RBFOX1: variants seen among roughly 807,000 people sequenced by gnomAD.
RBFOX1 encodes the protein RNA binding protein fox-1 homolog 1.
In RBFOX1, 8 loss-of-function variants were observed where a neutral mutation model predicts 57.7. That is an observed-to-expected ratio of 0.14 (90% CI 0.08 to 0.25). The LOEUF (loss-of-function observed/expected upper bound fraction) is 0.25, where lower values mean the gene tolerates loss of function less well. Ranked by LOEUF, RBFOX1 falls within the 10% of genes least tolerant of loss-of-function variation. The pLI, the probability that RBFOX1 is intolerant of heterozygous loss-of-function variation, is 1.00. For synonymous variants in RBFOX1, 326 were observed against 222.4 expected (o/e 1.47, Z -4.15); for missense variants, 611 against 548.5 (o/e 1.11, Z -1.14).
intron 1 of RBFOX1, among the ~76,000 whole-genome samples, chr16:6,232,919 G>A (rs1402311334): frequency 1.3e-5 from 2 of 152,108 alleles, no homozygotes; most frequent in South Asian, 2.1e-4. Flanking sequence ...TGTGGACAGC[G>A]TCAGTGCCAG....
chr16:5,603,483 T>C (rs1401682191), downstream of RBFOX1, among the ~76,000 whole-genome samples: 3 of 152,172 alleles, frequency 2.0e-5, no homozygotes, highest in Non-Finnish European at 4.4e-5. Flanking sequence ...TTTTTGGTGA[T>C]GCAGGGAGCA....
At chr16:6,296,621 C>T (rs577612085) in intron 1 of RBFOX1, among the ~76,000 whole-genome samples, 45 of 152,178 alleles carry the variant, frequency 3.0e-4, no homozygotes, top group East Asian at 5.8e-4. Flanking sequence ...GCGGTTTCAC[C>T]GTGTTAGCTG....
At chr16:6,443,436 T>C (rs943224642) in intron 2 of RBFOX1, among the ~76,000 whole-genome samples, 1 of 152,194 alleles carries the variant, frequency 6.6e-6, no homozygotes, top group Non-Finnish European at 1.5e-5. Flanking sequence ...TAGGAGGTTT[T>C]GCATTGTTTT....
chr16:6,222,823 G>A (rs1167441403), intron 1 of RBFOX1, among the ~76,000 whole-genome samples: 1 of 151,548 alleles, frequency 6.6e-6, no homozygotes, highest in African/African-American at 2.4e-5. Flanking sequence ...TTAGCGTTAG[G>A]TATATCTCCT....
intron 4 of RBFOX1, among the ~76,000 whole-genome samples, chr16:5,935,381 A>G (rs1168816993): frequency 9.2e-5 from 14 of 152,142 alleles, no homozygotes; most frequent in Admixed American, 9.2e-4. Context: ...CATGGCCAGG[A>G]GCCTGTATTG....
chr16:5,738,203 C>T (rs1004877272), intron 3 of RBFOX1, among the ~76,000 whole-genome samples: 9 of 152,058 alleles, frequency 5.9e-5, no homozygotes, highest in Non-Finnish European at 8.8e-5. Flanking sequence ...CATGAAAGTA[C>T]GTATGAAACT....
At chr16:5,384,060 C>T (rs1375116196) in intron 1 of RBFOX1, among the ~76,000 whole-genome samples, 1 of 152,190 alleles carries the variant, frequency 6.6e-6, no homozygotes, top group African/African-American at 2.4e-5. Context: ...AGCTCTAAGT[C>T]CTGCAGAAAT....
chr16:6,940,938 A>C, intron 3 of RBFOX1, among the ~76,000 whole-genome samples: 1 of 150,818 alleles, frequency 6.6e-6, no homozygotes. Flanking sequence ...CGATCTCCTG[A>C]CCTCGTGATC....
chr16:7,685,839 C>A (rs920386577), intron 14 of RBFOX1, among the ~76,000 whole-genome samples: 3 of 152,060 alleles, frequency 2.0e-5, no homozygotes, highest in Admixed American at 1.3e-4. Flanking sequence ...GAAATCAGAT[C>A]TTTTATTCTC....
At chr16:6,796,778 A>C (rs1057491732) in intron 3 of RBFOX1, among the ~76,000 whole-genome samples, 1 of 152,172 alleles carries the variant, frequency 6.6e-6, no homozygotes, top group Admixed American at 6.5e-5. Context: ...TCTGCCTTCC[A>C]ACTTCTTCTA....
intron 2 of RBFOX1, among the ~76,000 whole-genome samples, chr16:6,322,214 T>C (rs1406978324): frequency 6.6e-6 from 1 of 152,214 alleles, no homozygotes; most frequent in African/African-American, 2.4e-5. Flanking sequence ...TCTTCATACC[T>C]AAAGCCACCT....
rs543790765 is a variant in RBFOX1, at chr16:7,710,476, G to C, written c.1072-147G>C. The C allele has an allele frequency of 4.0e-6, 6 of 1,515,514 alleles. No homozygotes were observed. The African/African-American group carries it at 4.3e-5, about 11-fold the overall frequency. 93.9% of individuals were successfully genotyped at this position (1,515,514 alleles called of 1,614,324 possible). Reference sequence around the variant, plus strand: ...AAGGTCAGGAATGGCCCTATCTTTAGTTCTCCAAGAATGACCTGGGATGGG... The same window carrying C: ...AAGGTCAGGAATGGCCCTATCTTTACTTCTCCAAGAATGACCTGGGATGGG... On this transcript the variant is annotated intron_variant, in intron 15 of 15. Transcript: ENST00000550418.
chr16:6,514,000 A>G (rs910443392), intron 2 of RBFOX1, among the ~76,000 whole-genome samples: 1 of 152,186 alleles, frequency 6.6e-6, no homozygotes, highest in African/African-American at 2.4e-5. Context: ...TGTGCTTTGC[A>G]AATGGCGCAT....
intron 3 of RBFOX1, among the ~76,000 whole-genome samples, chr16:6,963,962 T>C (rs902413238): frequency 6.6e-6 from 1 of 152,080 alleles, no homozygotes; most frequent in East Asian, 1.9e-4. Flanking sequence ...CCTCCCAAAG[T>C]GCTGGGATTA....
intron 1 of RBFOX1, among the ~76,000 whole-genome samples, chr16:5,240,920 GC>G (rs1261258100): frequency 1.3e-5 from 2 of 152,212 alleles, no homozygotes; most frequent in African/African-American, 4.8e-5. Flanking sequence ...GCAGATGAGG[GC>G]CCCCTGGAGA....
intron 4 of RBFOX1, among the ~76,000 whole-genome samples, chr16:7,292,256 A>G (rs1257500032): frequency 4.5e-5 from 5 of 110,512 alleles, no homozygotes; most frequent in Non-Finnish European, 8.4e-5. Context: ...TATATATGAT[A>G]TATGATATAG....
chr16:6,491,042 C>T (rs1475716144), intron 2 of RBFOX1, among the ~76,000 whole-genome samples: 1 of 151,786 alleles, frequency 6.6e-6, no homozygotes, highest in South Asian at 2.1e-4. Flanking sequence ...CCAAGACTAC[C>T]CAGTAAAGTT....
At chr16:7,198,516 T>C (rs987319375) in intron 4 of RBFOX1, among the ~76,000 whole-genome samples, 1 of 152,190 alleles carries the variant, frequency 6.6e-6, no homozygotes, top group African/African-American at 2.4e-5. Context: ...TGTGTTTTTG[T>C]AACAGAATAT....
rs71408493 is a variant in RBFOX1, at chr16:7,001,360, G to GTGTGTATGTGTATGTGTA, written c.-15-50677_-15-50660dup. On this transcript the variant is annotated intron_variant, in intron 3 of 15. Transcript: ENST00000550418. ...GCCCTGACTCTGTGTGTGTGTGTTT[G>GTGTGTATGTGTATGTGTA]TGTGTATGTGTATGTGTATGTGTAT... is the stretch of plus-strand genomic sequence containing the variant. Among the ~76,000 whole-genome samples the GTGTGTATGTGTATGTGTA allele has an allele frequency of 3.4e-3, 491 of 143,562 alleles. 3 individuals carry two copies. The highest frequency in any genetic ancestry group is 9.3e-3 in the African/African-American group (344 of 36,814). The allele number at this position is 143,562 out of a possible 152,430, so 94.2% of individuals were successfully genotyped here. A position where few individuals can be genotyped will look rare whatever the true frequency, so the allele number is the denominator to read the frequency against.
Sources: allele counts gnomAD v4.1 joint callset (sites outside exome capture counted in the v4.1 genomes callset), GRCh38; gene constraint gnomAD v4.1.1; transcripts MANE v1.5; gene names NCBI Gene and HGNC (gene_info 2026-07-23, HGNC 2026-07-21).